Variants in SEMA3E observed in about 807,000 individuals in gnomAD.
SEMA3E encodes semaphorin 3E.
Under a neutral mutation model 93.6 loss-of-function variants are expected in SEMA3E, and 49 were observed. The ratio of observed to expected loss-of-function variants is 0.52; its 90% CI spans 0.42 to 0.66. SEMA3E has a LOEUF of 0.66. Among genes scored for constraint, SEMA3E ranks in the 30% least tolerant of loss-of-function variants. The probability of loss-of-function intolerance (pLI) is 0.00; values close to 1 mark genes in which losing one functional copy is unlikely to be tolerated. For missense variants in SEMA3E, 906 were observed against 964.8 expected (o/e 0.94, Z 0.81); for synonymous variants, 363 against 330.7 (o/e 1.10, Z -1.06).
At chr7:83,521,078 T>C (rs1222963149) in intron 1 of SEMA3E, among the ~76,000 whole-genome samples, 1 of 150,592 alleles carries the variant, frequency 6.6e-6, no homozygotes, top group Non-Finnish European at 1.5e-5. Flanking sequence ...GGACCTCAAC[T>C]TTTAAGATTT....
intron 4 of SEMA3E, among the ~76,000 whole-genome samples, chr7:83,454,030 G>A (rs1007075687): frequency 2.6e-5 from 4 of 151,476 alleles, no homozygotes; most frequent in Non-Finnish European, 4.4e-5. Flanking sequence ...AGGCCGAGGC[G>A]GGTGGATCAC....
chr7:83,465,242 C>G (rs561861306), intron 4 of SEMA3E, among the ~76,000 whole-genome samples: 2 of 152,100 alleles, frequency 1.3e-5, no homozygotes, highest in South Asian at 2.1e-4. Context: ...TTTACCTACC[C>G]AAATCCTGTA....
rs372592517 is a variant in SEMA3E, at chr7:83,367,569, T to A, written c.*17A>T. 1 of 1,611,890 alleles carries A rather than the reference T, an allele frequency of 6.2e-7. No homozygotes were observed. The highest frequency in any genetic ancestry group is 8.5e-7 in the Non-Finnish European group (1 of 1,178,112). ...CAAATATAAATTCTTCAAAAGACAG[T>A]AGATAGTCTCACCCCATCAGGAGTC... On this transcript the variant is annotated 3_prime_UTR_variant, in exon 17 of 17. Coordinates refer to ENST00000643230, the MANE Select transcript of SEMA3E (RefSeq NM_012431.3).
At chr7:83,437,498 T>C (rs979701663) in intron 4 of SEMA3E, among the ~76,000 whole-genome samples, 1 of 152,048 alleles carries the variant, frequency 6.6e-6, no homozygotes, top group African/African-American at 2.4e-5. Flanking sequence ...AAACTTTTTT[T>C]CACTCAAAAA....
At chr7:83,452,396 C>G (rs1789383518) in intron 4 of SEMA3E, among the ~76,000 whole-genome samples, 1 of 152,136 alleles carries the variant, frequency 6.6e-6, no homozygotes, top group South Asian at 2.1e-4. Flanking sequence ...TTACAGAGTT[C>G]TGGTTCAACA....
At chr7:83,552,434 C>A (rs571574968) in intron 1 of SEMA3E, among the ~76,000 whole-genome samples, 1 of 151,982 alleles carries the variant, frequency 6.6e-6, no homozygotes, top group Non-Finnish European at 1.5e-5. Context: ...GAAATCAGTG[C>A]ACCTTGAAAA....
intron 1 of SEMA3E, among the ~76,000 whole-genome samples, chr7:83,592,397 T>C (rs1792773545): frequency 6.6e-6 from 1 of 152,088 alleles, no homozygotes; most frequent in Non-Finnish European, 1.5e-5. Flanking sequence ...TACTGTTGAG[T>C]CTATTCTGTG....
rs750198556 is a variant in SEMA3E at position 83,648,510 on chromosome 7, G to C, written c.33C>G (p.Leu11=). 1.2e-6 allele frequency: 2 copies of C among 1,613,430 alleles called. No homozygotes were observed. The highest frequency in any genetic ancestry group is 3.3e-5 in the Admixed American group (2 of 59,922). The change falls in exon 1 of 17, where the codon CTC becomes CTG. Residue 11 remains leucine (L), a synonymous_variant. Coordinates refer to ENST00000643230, the MANE Select transcript of SEMA3E (RefSeq NM_012431.3). The stretch of plus-strand genomic sequence containing the variant: ...AAAGCTCCAGTAAGTAACCCCACAG[G>C]AGCAAGGTGATAATGTGCCCCGCGG... MASAGHIITL[L]LWGYLLELWT...
chr7:83,445,322 G>C (rs781238105), intron 4 of SEMA3E, among the ~76,000 whole-genome samples: 3 of 152,282 alleles, frequency 2.0e-5, no homozygotes, highest in Middle Eastern at 3.4e-3. Context: ...TTTCAGAATA[G>C]AGAACTCTAA....
intron 16 of SEMA3E, among the ~76,000 whole-genome samples, chr7:83,383,067 C>T (rs1459228652): frequency 6.6e-6 from 1 of 151,800 alleles, no homozygotes; most frequent in Non-Finnish European, 1.5e-5. Flanking sequence ...TGTATATACT[C>T]TGTGGTCTGA....
At chr7:83,466,145 C>A (rs1009154165) in intron 4 of SEMA3E, among the ~76,000 whole-genome samples, 1 of 152,054 alleles carries the variant, frequency 6.6e-6, no homozygotes, top group African/African-American at 2.4e-5. Context: ...ACACACCCAC[C>A]TATATACATA....
intron 16 of SEMA3E, chr7:83,372,761 C>A (rs1554316495): frequency 6.6e-6 from 1 of 152,240 alleles, no homozygotes; most frequent in Non-Finnish European, 1.5e-5. Flanking sequence ...GGAATATAAG[C>A]TGTTTTCATG....
At chr7:83,439,411 GA>G (rs1431889243) in intron 4 of SEMA3E, among the ~76,000 whole-genome samples, 1 of 152,156 alleles carries the variant, frequency 6.6e-6, no homozygotes, top group African/African-American at 2.4e-5. Flanking sequence ...CTCAACAAAG[GA>G]AATTTTGGAA....
chr7:83,614,097 T>C (rs1793318743), intron 1 of SEMA3E, among the ~76,000 whole-genome samples: 1 of 152,138 alleles, frequency 6.6e-6, no homozygotes, highest in African/African-American at 2.4e-5. Flanking sequence ...TTTCTGTTTG[T>C]CCCTGAAAGT....
At chr7:83,529,744 CA>C (rs1041003675) in intron 1 of SEMA3E, among the ~76,000 whole-genome samples, 13 of 152,204 alleles carry the variant, frequency 8.5e-5, no homozygotes, top group African/African-American at 3.1e-4. Context: ...AAGCAAAAAT[CA>C]AGTATTAGTA....
At chr7:83,368,440 GAACA>G (rs1192748474) in intron 16 of SEMA3E, among the ~76,000 whole-genome samples, 1 of 152,110 alleles carries the variant, frequency 6.6e-6, no homozygotes, top group Admixed American at 6.6e-5. Context: ...TCAATGGACA[GAACA>G]AATACCACTT....
chr7:83,405,987 C>T lies in SEMA3E; in HGVS notation c.886G>A (p.Val296Ile), dbSNP rs140205746. ...GTGTCAATTCCATTCATTCCTGGTA[C>T]TGAGCAAACGAGTCTCGCTTTTAGG... ...TFLKARLVCS[V>I]PGMNGIDTYF... The change falls in exon 8 of 17, where the codon GTA becomes ATA. Residue 296 changes from valine (V) to isoleucine (I), a missense_variant. Coordinates refer to ENST00000643230, the MANE Select transcript of SEMA3E (RefSeq NM_012431.3). The T allele has an allele frequency of 6.2e-7, 1 of 1,613,194 alleles. No individual in the cohort carries two copies. The highest frequency in any genetic ancestry group is 8.5e-7 in the Non-Finnish European group (1 of 1,179,322).
At chr7:83,607,216 T>C (rs1793142960) in intron 1 of SEMA3E, among the ~76,000 whole-genome samples, 1 of 152,244 alleles carries the variant, frequency 6.6e-6, no homozygotes, top group African/African-American at 2.4e-5. Flanking sequence ...CAGTCAGTTA[T>C]TGTGTCCACA....
intron 4 of SEMA3E, among the ~76,000 whole-genome samples, chr7:83,453,567 G>A (rs2115828532): frequency 6.6e-6 from 1 of 152,168 alleles, no homozygotes; most frequent in African/African-American, 2.4e-5. Context: ...CTCATAGACT[G>A]AGACCAAAAC....
Sources: gnomAD v4.1 joint callset for allele counts (sites outside exome capture counted in the v4.1 genomes callset) on GRCh38, gnomAD v4.1.1 for gene constraint, MANE v1.5 for transcripts, NCBI Gene and HGNC (gene_info 2026-07-23, HGNC 2026-07-21) for gene names.